The following OVCH1 variants were observed in gnomAD, a reference collection of about 807,000 sequenced individuals.
OVCH1 encodes the protein ovochymase 1, also known as ovochymase-1.
Under a neutral mutation model 138.4 loss-of-function variants are expected in OVCH1, and 139 were observed. The ratio of observed to expected loss-of-function variants is 1.00; its 90% CI spans 0.87 to 1.16. The LOEUF (loss-of-function observed/expected upper bound fraction) is 1.16. OVCH1 is among the 50% of genes most tolerant of loss of function. The probability of loss-of-function intolerance (pLI) is 0.00; values close to 1 mark genes in which losing one functional copy is unlikely to be tolerated. For synonymous variants in OVCH1, 453 were observed against 467.8 expected (o/e 0.97, Z 0.41); for missense variants, 1,367 against 1,357.9 (o/e 1.01, Z -0.11).
chr12:29,442,657 T>A (rs1941518250), intron 25 of OVCH1, among the ~76,000 whole-genome samples: 2 of 151,860 alleles, frequency 1.3e-5, no homozygotes, highest in South Asian at 4.1e-4. Flanking sequence ...AAAAGAAATT[T>A]TATGATGGGG....
At chr12:29,475,824 T>C (rs150141187) in intron 13 of OVCH1, among the ~76,000 whole-genome samples, 246 of 152,320 alleles carry the variant, frequency 1.6e-3, no homozygotes, top group African/African-American at 5.7e-3. Flanking sequence ...AAATTAATTG[T>C]CAGACCCACG....
At chr12:29,480,389 T>C (rs1942891791) in intron 8 of OVCH1, among the ~76,000 whole-genome samples, 1 of 152,202 alleles carries the variant, frequency 6.6e-6, no homozygotes, top group Admixed American at 6.5e-5. Flanking sequence ...CTTTATGACT[T>C]CAAAGGCCAG....
intron 16 of OVCH1, 148 bp downstream of exon 16, chr12:29,471,654 G>T (rs1254334328): frequency 2.3e-6 from 2 of 859,846 alleles, no homozygotes; most frequent in Admixed American, 3.4e-5. Flanking sequence ...TGTTTAAATA[G>T]TAGCTAGATG....
downstream of OVCH1, chr12:29,423,345 A>G (rs1941131237): frequency 2.2e-6 from 1 of 452,254 alleles, no homozygotes; most frequent in Non-Finnish European, 4.4e-6. Flanking sequence ...TTTCTGTGCA[A>G]TGACATAACT....
intron 24 of OVCH1, 105 bp downstream of exon 24, chr12:29,444,040 G>GA (rs1418791003): frequency 1.5e-6 from 2 of 1,312,892 alleles, no homozygotes; most frequent in Admixed American, 2.6e-5. Flanking sequence ...ATTCTTTTTG[G>GA]AAAAAAGGTG....
At chr12:29,490,260 T>G (rs981682015) in intron 5 of OVCH1, among the ~76,000 whole-genome samples, 1 of 152,048 alleles carries the variant, frequency 6.6e-6, no homozygotes, top group East Asian at 1.9e-4. Flanking sequence ...ATTTATTTAT[T>G]TTTGTGGAGA....
chr12:29,477,320 T>A, intron 11 of OVCH1, 21 bp downstream of exon 11: 4 of 1,613,842 alleles, frequency 2.5e-6, no homozygotes, highest in Non-Finnish European at 1.7e-6. Context: ...TGGCAAGGAA[T>A]TAAATACCTG....
intron 19 of OVCH1, among the ~76,000 whole-genome samples, chr12:29,459,275 A>T (rs1942052159): frequency 1.3e-5 from 2 of 152,220 alleles, no homozygotes; most frequent in African/African-American, 4.8e-5. Context: ...AATGTGGTTC[A>T]TATACACAAT....
At chr12:29,479,171 G>A (rs1592098609) in intron 8 of OVCH1, among the ~76,000 whole-genome samples, 1 of 152,122 alleles carries the variant, frequency 6.6e-6, no homozygotes, top group African/African-American at 2.4e-5. Flanking sequence ...AGTATTAATT[G>A]GAGAATGACC....
chr12:29,464,373 C>T, intron 18 of OVCH1, 134 bp downstream of exon 18: 1 of 1,014,778 alleles, frequency 9.9e-7, no homozygotes, highest in Non-Finnish European at 1.5e-6. Context: ...TGATCTGTTA[C>T]AGCTAAATAA....
exon 14 of OVCH1, chr12:29,475,184 G>C: frequency 2.1e-6 from 3 of 1,461,736 alleles, no homozygotes; most frequent in Non-Finnish European, 1.8e-6. Flanking sequence ...ATTCCACAAA[G>C]TTTAGCTGAA....
intron 21 of OVCH1, among the ~76,000 whole-genome samples, chr12:29,454,469 A>C (rs1010468844): frequency 1.3e-5 from 2 of 152,222 alleles, no homozygotes; most frequent in African/African-American, 4.8e-5. Flanking sequence ...AAGAATGAAG[A>C]GAAATACTAA....
At chr12:29,414,020 C>CT (rs74937229) in intron 3 of OVCH1, among the ~76,000 whole-genome samples, 3,116 of 38,376 alleles carry the variant, frequency 0.081, 160 homozygotes, top group African/African-American at 0.15. Context: ...CTCTCTCTCT[C>CT]TTTTTTTTTT....
intron 19 of OVCH1, 107 bp from the exon 20 acceptor site, chr12:29,455,512 T>G: frequency 8.0e-7 from 1 of 1,257,372 alleles, no homozygotes; most frequent in East Asian, 2.6e-5. Context: ...TGTGTTTAAT[T>G]CCTTAAAGAT....
rs961660095 is a variant in OVCH1, at chr12:29,456,836, A to G, written c.2281-1431T>C. ...AATTTACGGTGAAATTTTATAAACCAGTTGTATCAAACCAAGCCTTAATAC... is the reference window on the plus strand; with the variant it reads ...AATTTACGGTGAAATTTTATAAACCGGTTGTATCAAACCAAGCCTTAATAC... On this transcript the variant is annotated intron_variant, in intron 19 of 27. Transcript: ENST00000318184. 8.5e-5 allele frequency among the ~76,000 whole-genome samples: 13 copies of G among 152,366 alleles called. 1 individual carries two copies. The highest frequency in any genetic ancestry group is 3.1e-4 in the African/African-American group (13 of 41,592).
chr12:29,484,806 A>G lies in OVCH1; in HGVS notation c.995+1440T>C, dbSNP rs548486254. On this transcript the variant is annotated intron_variant, in intron 8 of 27. Transcript: ENST00000318184. Reference sequence around the variant, plus strand: ...TGTCCCCTGAGGTTTACAATCTTCAAAAACATGGGAAAAAGCCGATCATTT... The same window carrying G: ...TGTCCCCTGAGGTTTACAATCTTCAGAAACATGGGAAAAAGCCGATCATTT... 3.3e-5 allele frequency among the ~76,000 whole-genome samples: 5 copies of G among 152,296 alleles called. No homozygotes were observed. The highest frequency in any genetic ancestry group is 1.2e-4 in the African/African-American group (5 of 41,556).
exon 23 of OVCH1, chr12:29,445,399 T>C: frequency 6.2e-7 from 1 of 1,606,034 alleles, no homozygotes; most frequent in Non-Finnish European, 8.5e-7. Context: ...TTCCATGTAA[T>C]CCACCTAGGT....
At chr12:29,409,284 G>C (rs898329656), downstream of OVCH1, among the ~76,000 whole-genome samples, 1 of 152,126 alleles carries the variant, frequency 6.6e-6, no homozygotes, top group Non-Finnish European at 1.5e-5. Flanking sequence ...ATGTTTTGAA[G>C]GGTTTTTTGT....
intron 22 of OVCH1, among the ~76,000 whole-genome samples, chr12:29,447,825 G>A (rs971081888): frequency 2.6e-5 from 4 of 152,048 alleles, no homozygotes; most frequent in Non-Finnish European, 2.9e-5. Flanking sequence ...AGACTGAGAG[G>A]CCCTCTTTCA....
Sources: allele counts gnomAD v4.1 joint callset (sites outside exome capture counted in the v4.1 genomes callset), GRCh38; gene constraint gnomAD v4.1.1; transcripts MANE v1.5; gene names NCBI Gene and HGNC (gene_info 2026-07-23, HGNC 2026-07-21).